Variants in TMEM74 observed in about 807,000 individuals in gnomAD.
The protein encoded by TMEM74 is transmembrane protein 74.
In TMEM74, 13 loss-of-function variants were observed where a neutral mutation model predicts 18.1. That is an observed-to-expected ratio of 0.72 (90% CI 0.47 to 1.14). The LOEUF (loss-of-function observed/expected upper bound fraction) is 1.14, where lower values mean the gene tolerates loss of function less well. TMEM74 is among the 50% of genes most tolerant of loss of function. The pLI, the probability that TMEM74 is intolerant of heterozygous loss-of-function variation, is 0.00. For missense variants in TMEM74, 372 were observed against 375.9 expected (o/e 0.99, Z 0.09); for synonymous variants, 159 against 146.6 (o/e 1.08, Z -0.61).
At chr8:108,720,187 T>TA (rs5893933) in intron 1 of TMEM74, among the ~76,000 whole-genome samples, 48,966 of 147,764 alleles carry the variant, frequency 0.33, 8,353 homozygotes, top group East Asian at 0.51. Context: ...CCAAATTTTG[T>TA]AAAAAAAAAA....
intron 2 of TMEM74, among the ~76,000 whole-genome samples, chr8:108,643,432 T>C (rs1024865789): frequency 1.3e-5 from 2 of 152,130 alleles, no homozygotes; most frequent in Admixed American, 6.6e-5. Context: ...TTCGTTGAAA[T>C]ACTAATTTGT....
chr8:108,671,673 T>C (rs1287026393), intron 1 of TMEM74, among the ~76,000 whole-genome samples: 1 of 152,032 alleles, frequency 6.6e-6, no homozygotes, highest in Non-Finnish European at 1.5e-5. Flanking sequence ...AAGTATGTAA[T>C]TGGTATTTCA....
intron 2 of TMEM74, among the ~76,000 whole-genome samples, chr8:108,644,739 A>G (rs1304578044): frequency 6.6e-6 from 1 of 152,190 alleles, no homozygotes; most frequent in Admixed American, 6.6e-5. Flanking sequence ...GCCAACAAAC[A>G]TATGAAAAAA....
chr8:108,766,970 T>C (rs1197634999), intron 1 of TMEM74, among the ~76,000 whole-genome samples: 1 of 152,172 alleles, frequency 6.6e-6, no homozygotes, highest in Non-Finnish European at 1.5e-5. Flanking sequence ...TTCTCCTGCC[T>C]GCTTTATTAT....
chr8:108,739,087 T>G (rs1336185780), intron 1 of TMEM74, among the ~76,000 whole-genome samples: 3 of 152,266 alleles, frequency 2.0e-5, no homozygotes, highest in Non-Finnish European at 4.4e-5. Context: ...GGCAAGAAAA[T>G]TGGGGGCCAT....
At chr8:108,638,295 C>G (rs1812627215) in intron 2 of TMEM74, among the ~76,000 whole-genome samples, 1 of 147,690 alleles carries the variant, frequency 6.8e-6, no homozygotes, top group Non-Finnish European at 1.5e-5. Flanking sequence ...TTTTCCACCT[C>G]TAGGGGTTCA....
At chr8:108,713,680 G>C (rs1050343951) in intron 1 of TMEM74, among the ~76,000 whole-genome samples, 8 of 152,156 alleles carry the variant, frequency 5.3e-5, no homozygotes, top group African/African-American at 1.2e-4. Flanking sequence ...TATTAGTCAG[G>C]GTTCTCCAAA....
At chr8:108,679,354 A>G (rs972821821) in intron 1 of TMEM74, among the ~76,000 whole-genome samples, 1 of 152,222 alleles carries the variant, frequency 6.6e-6, no homozygotes, top group African/African-American at 2.4e-5. Context: ...ACTAGTTTAC[A>G]GTCCCACCAA....
chr8:108,683,073 A>G (rs1010482985), intron 1 of TMEM74, among the ~76,000 whole-genome samples: 1 of 151,930 alleles, frequency 6.6e-6, no homozygotes, highest in Non-Finnish European at 1.5e-5. Context: ...CAAATGCAGG[A>G]TTATCTAAGA....
intron 2 of TMEM74, among the ~76,000 whole-genome samples, chr8:108,651,268 C>CT (rs1420907743): frequency 6.6e-6 from 1 of 152,092 alleles, no homozygotes; most frequent in African/African-American, 2.4e-5. Flanking sequence ...ATGAATGAAT[C>CT]TTTTTTTCCT....
chr8:108,646,896 AAC>A (rs1324314590), intron 2 of TMEM74, among the ~76,000 whole-genome samples: 37 of 152,340 alleles, frequency 2.4e-4, no homozygotes, highest in African/African-American at 8.4e-4. Flanking sequence ...ATTGGAGAAT[AAC>A]ACAGGGGTGG....
chr8:108,728,929 T>C (rs1248337905), intron 1 of TMEM74, among the ~76,000 whole-genome samples: 3 of 152,218 alleles, frequency 2.0e-5, no homozygotes, highest in African/African-American at 7.2e-5. Context: ...TAAACGGTAA[T>C]TTAACTTTGA....
chr8:108,725,672 A>T (rs1014792909), intron 1 of TMEM74, among the ~76,000 whole-genome samples: 1 of 152,210 alleles, frequency 6.6e-6, no homozygotes, highest in African/African-American at 2.4e-5. Context: ...AACTTGCTCA[A>T]GGAGATTAGC....
intron 2 of TMEM74, among the ~76,000 whole-genome samples, chr8:108,644,829 A>G (rs546592168): frequency 1.3e-5 from 2 of 152,344 alleles, no homozygotes; most frequent in East Asian, 1.9e-4. Context: ...CAGAATGGCT[A>G]CTATTAAATA....
intron 2 of TMEM74, chr8:108,652,932 T>C: frequency 2.9e-6 from 1 of 339,662 alleles, no homozygotes; most frequent in Non-Finnish European, 5.8e-6. Flanking sequence ...GAAGATGAAT[T>C]TTCTAGCGAC....
intron 2 of TMEM74, among the ~76,000 whole-genome samples, chr8:108,625,518 T>C (rs1563735017): frequency 6.6e-6 from 1 of 152,086 alleles, no homozygotes; most frequent in Non-Finnish European, 1.5e-5. Context: ...TGGACCGTTC[T>C]AGATTTTCTT....
intron 1 of TMEM74, among the ~76,000 whole-genome samples, chr8:108,739,631 G>A (rs1484772631): frequency 6.6e-6 from 1 of 152,188 alleles, no homozygotes; most frequent in Non-Finnish European, 1.5e-5. Flanking sequence ...GGGCTTGGGT[G>A]AGTGATTTTC....
chr8:108,744,190 T>G (rs915201106), intron 1 of TMEM74, among the ~76,000 whole-genome samples: 9 of 152,148 alleles, frequency 5.9e-5, no homozygotes, highest in African/African-American at 2.2e-4. Flanking sequence ...CGATCTGACG[T>G]CACTTCAGAT....
intron 1 of TMEM74, among the ~76,000 whole-genome samples, chr8:108,718,749 T>C (rs924570899): frequency 8.5e-5 from 13 of 152,316 alleles, no homozygotes; most frequent in Non-Finnish European, 1.0e-4. Flanking sequence ...TAAAACAACA[T>C]TGAGGCAATC....
Sources: gnomAD v4.1 joint callset for allele counts (sites outside exome capture counted in the v4.1 genomes callset) on GRCh38, gnomAD v4.1.1 for gene constraint, MANE v1.5 for transcripts, NCBI Gene and HGNC (gene_info 2026-07-23, HGNC 2026-07-21) for gene names.